The following CUBN variants were observed in gnomAD, a reference collection of about 807,000 sequenced individuals.
The protein encoded by CUBN is 460 kDa receptor.
In CUBN, 282 loss-of-function variants were observed where a neutral mutation model predicts 405.3. That is an observed-to-expected ratio of 0.70 (90% CI 0.63 to 0.77). The LOEUF is 0.77. Among genes scored for constraint, CUBN ranks in the 30% least tolerant of loss-of-function variants. The pLI is 0.00. For synonymous variants in CUBN, 1,684 were observed against 1,617.0 expected, an observed-to-expected ratio of 1.04 and a Z score of -0.99; for missense variants, 4,514 against 4,475.2, an observed-to-expected ratio of 1.01 and a Z score of -0.25.
Position 16,978,306 on chromosome 10 carries a change from T to A in CUBN, c.4695+4178A>T, listed in dbSNP as rs1160949518. ...TGGTCCCAAAGACTGGACTCACACC[T>A]CTCTCAGATATTCACTCAGAAACTT... On this transcript the variant is annotated intron_variant, in intron 31 of 66. Coordinates refer to ENST00000377833, the MANE Select transcript of CUBN (RefSeq NM_001081.4). Among the ~76,000 whole-genome samples the A allele has an allele frequency of 3.9e-5, 6 of 152,122 alleles. No homozygotes were observed. In the East Asian group the frequency reaches 1.2e-3, roughly 29 times the overall value.
chr10:17,000,550 T>C (rs183583193), intron 28 of CUBN, among the ~76,000 whole-genome samples: 3 of 152,374 alleles, frequency 2.0e-5, no homozygotes, highest in Admixed American at 2.0e-4. Context: ...CACATCTTTT[T>C]AAAAACATTT....
intron 28 of CUBN, among the ~76,000 whole-genome samples, chr10:16,991,631 G>T (rs2942356): frequency 0.28 from 8,872 of 31,396 alleles, 423 homozygotes; most frequent in Non-Finnish European, 0.47. Flanking sequence ...CTCTTTTTCT[G>T]TTTTTTTTTT....
intron 16 of CUBN, among the ~76,000 whole-genome samples, chr10:17,085,315 C>T (rs756485307): frequency 6.6e-6 from 1 of 152,134 alleles, no homozygotes; most frequent in African/African-American, 2.4e-5. Flanking sequence ...TCAAACACCA[C>T]GAGGGACCTG....
At chr10:16,916,105 T>G (rs1841877406) in intron 45 of CUBN, 75 bp from the exon 46 acceptor site, 1 of 1,452,860 alleles carries the variant, frequency 6.9e-7, no homozygotes, top group Admixed American at 1.8e-5. Context: ...ACAAATTTTG[T>G]TTTCTTCATT....
At chr10:16,884,065 C>T (rs572342905) in intron 56 of CUBN, among the ~76,000 whole-genome samples, 5 of 152,238 alleles carry the variant, frequency 3.3e-5, no homozygotes, top group South Asian at 2.1e-4. Context: ...CTGCAAGCTC[C>T]GCCTCCCGGG....
intron 27 of CUBN, among the ~76,000 whole-genome samples, chr10:17,021,525 A>G (rs933206784): frequency 2.0e-5 from 3 of 152,200 alleles, no homozygotes; most frequent in Non-Finnish European, 4.4e-5. Context: ...TTCCTCGAGG[A>G]TGCCCTTGGA....
intron 56 of CUBN, among the ~76,000 whole-genome samples, chr10:16,885,115 G>A (rs1840774662): frequency 6.6e-6 from 1 of 152,160 alleles, no homozygotes; most frequent in Non-Finnish European, 1.5e-5. Flanking sequence ...TGTAGCTAGC[G>A]AATCTGTAGC....
Position 16,925,655 on chromosome 10 carries a change from C to A in CUBN, c.6391G>T (p.Ala2131Ser), listed in dbSNP as rs1228716408. The change falls in exon 42 of 67, where the codon GCT (alanine) becomes TCT (serine). Residue 2131 changes from alanine to serine, a missense_variant. Ala to Ser is a moderately conservative substitution (Grantham distance 99). Coordinates refer to ENST00000377833, the MANE Select transcript of CUBN (RefSeq NM_001081.4). ...HVLVQSGLTI[A>S]VHFEQPFQIP... is the part of the protein sequence containing the mutation. ...TGGAAAGGCTGTTCAAAATGGACAG[C>A]AATGGTCAGGCCACTTTGGACCAGG... 8.1e-6 allele frequency: 13 copies of A among 1,614,022 alleles called. No homozygotes were observed. The highest frequency in any genetic ancestry group is 1.1e-5 in the Non-Finnish European group (13 of 1,179,980).
At chr10:17,118,727 G>A (rs986357723) in intron 6 of CUBN, among the ~76,000 whole-genome samples, 4 of 152,188 alleles carry the variant, frequency 2.6e-5, no homozygotes, top group Non-Finnish European at 4.4e-5. Flanking sequence ...GTGAGCCACC[G>A]TGCCCAGCCT....
intron 58 of CUBN, among the ~76,000 whole-genome samples, chr10:16,873,721 C>CAAAAAAAAAAA: frequency 8.6e-6 from 1 of 116,486 alleles, no homozygotes; most frequent in East Asian, 2.3e-4. Context: ...GACCTTCTCT[C>CAAAAAAAAAAA]AAAAAAAAAA....
chr10:16,838,705 C>G (rs1352065474), intron 62 of CUBN, among the ~76,000 whole-genome samples: 1 of 152,154 alleles, frequency 6.6e-6, no homozygotes, highest in Non-Finnish European at 1.5e-5. Flanking sequence ...AGTGCAGTGG[C>G]GCGATCTTGG....
chr10:16,982,204 A>G (rs368839768), intron 31 of CUBN, among the ~76,000 whole-genome samples: 1 of 152,194 alleles, frequency 6.6e-6, no homozygotes, highest in African/African-American at 2.4e-5. Context: ...AAACCACTGC[A>G]GCCATTTTTT....
chr10:16,855,082 CCCCT>C (rs1364626543), intron 59 of CUBN, among the ~76,000 whole-genome samples: 1 of 105,086 alleles, frequency 9.5e-6, no homozygotes, highest in Non-Finnish European at 2.0e-5. Context: ...CCCCTCCCCT[CCCCT>C]CCCTCCCTCC....
At chr10:17,120,408 C>G (rs554696691) in intron 6 of CUBN, among the ~76,000 whole-genome samples, 2 of 152,142 alleles carry the variant, frequency 1.3e-5, no homozygotes, top group African/African-American at 4.8e-5. Context: ...AGAAAGAACC[C>G]TGATTTAAAT....
chr10:16,952,245 G>T (rs1842939798), intron 33 of CUBN, 31 bp downstream of exon 33: 3 of 1,489,064 alleles, frequency 2.0e-6, no homozygotes, highest in Non-Finnish European at 2.8e-6. Context: ...TCTCTCCTGT[G>T]TGCCTTTTCT....
At chr10:16,937,526 G>T (rs1842544714) in intron 39 of CUBN, 66 bp downstream of exon 39, 2 of 1,365,162 alleles carry the variant, frequency 1.5e-6, no homozygotes, top group Admixed American at 1.8e-5. Flanking sequence ...GTTATGATAG[G>T]ATCCTTTGAA....
In CUBN at chr10:16,829,237, C is replaced by G. The variant is rs569580249; in HGVS notation, c.10529-197G>C. ...TTCCCCTCTCTTCCCACTGCCACCT[C>G]CACCTCTTCCATCCTCCACACACGT... On this transcript the variant is annotated intron_variant, in intron 65 of 66. Coordinates refer to ENST00000377833, the MANE Select transcript of CUBN (RefSeq NM_001081.4). 5.9e-5 allele frequency among the ~76,000 whole-genome samples: 9 copies of G among 152,156 alleles called. No individual in the cohort carries two copies. In the South Asian group the frequency reaches 1.9e-3, roughly 32 times the overall value.
Position 16,942,787 on chromosome 10 carries a change from GGGAAGGGAAGGGAAGGGAAAA to G in CUBN, c.5343-2571_5343-2551del, listed in dbSNP as rs925127766. Among the ~76,000 whole-genome samples the G allele has an allele frequency of 2.7e-4, 40 of 147,570 alleles. 1 individual carries two copies. The South Asian group carries it at 7.0e-3, about 26-fold the overall frequency. On this transcript the variant is annotated intron_variant, in intron 36 of 66. Transcript: ENST00000377833. The stretch of plus-strand genomic sequence containing the variant: ...GAAAGGGGAAAGGGTAAAGGAAAAA[GGGAAGGGAAGGGAAGGGAAAA>G]GGAAGGGAAGGGAAGGGAAAAGGAA...
At chr10:16,991,182 T>C (rs1195052846) in intron 28 of CUBN, among the ~76,000 whole-genome samples, 1 of 152,198 alleles carries the variant, frequency 6.6e-6, no homozygotes, top group Non-Finnish European at 1.5e-5. Context: ...TGACAACAAA[T>C]AATCAAATGC....
Sources: allele counts gnomAD v4.1 joint callset (sites outside exome capture counted in the v4.1 genomes callset), GRCh38; gene constraint gnomAD v4.1.1; transcripts MANE v1.5; gene names NCBI Gene and HGNC (gene_info 2026-07-23, HGNC 2026-07-21).